NAV3: variants seen among roughly 807,000 people sequenced by gnomAD.
NAV3 encodes the protein neuron navigator 3, also known as pore membrane and/or filament interacting like protein 1.
NAV3 carries 87 observed loss-of-function variants against 244.7 expected under a neutral mutation model. The ratio of observed to expected loss-of-function variants is 0.36; its 90% CI spans 0.30 to 0.42. NAV3 has a LOEUF of 0.42. NAV3 is among the 20% of genes least tolerant of loss of function. The probability of loss-of-function intolerance (pLI) is 1.00; values close to 1 mark genes in which losing one functional copy is unlikely to be tolerated. For missense variants in NAV3, 2,663 were observed against 2,893.3 expected, an observed-to-expected ratio of 0.92 and a Z score of 1.83; for synonymous variants, 1,126 against 1,042.2, an observed-to-expected ratio of 1.08 and a Z score of -1.55.
At chr12:78,117,158 CA>C (rs1566155754) in intron 13 of NAV3, among the ~76,000 whole-genome samples, 14,024 of 70,306 alleles carry the variant, frequency 0.2, 2,334 homozygotes, top group African/African-American at 0.34. Flanking sequence ...ACAGAAGCAG[CA>C]TATATATATA....
chr12:77,755,718 T>G (rs1050809095), intron 2 of NAV3, among the ~76,000 whole-genome samples: 1 of 150,600 alleles, frequency 6.6e-6, no homozygotes, highest in South Asian at 2.1e-4. Context: ...CTTTATTTTC[T>G]TTCTCTCTTT....
chr12:78,117,189 ATATATATG>A, intron 13 of NAV3, among the ~76,000 whole-genome samples: 1 of 132,464 alleles, frequency 7.5e-6, no homozygotes, highest in African/African-American at 2.9e-5. Context: ...ATATATATAT[ATATATATG>A]ATATACATTA....
intron 5 of NAV3, among the ~76,000 whole-genome samples, chr12:77,977,908 A>C (rs1593177924): frequency 6.6e-6 from 1 of 152,096 alleles, no homozygotes; most frequent in Admixed American, 6.6e-5. Flanking sequence ...AGATCAGTCC[A>C]AGTAAACAAA....
chr12:77,899,420 G>A (rs1885000381), intron 1 of NAV3, among the ~76,000 whole-genome samples: 1 of 152,134 alleles, frequency 6.6e-6, no homozygotes, highest in Admixed American at 6.5e-5. Context: ...TGATCAATCG[G>A]CAGCTGTTGA....
intron 1 of NAV3, among the ~76,000 whole-genome samples, chr12:77,901,382 C>T (rs530138515): frequency 1.3e-5 from 2 of 152,062 alleles, no homozygotes; most frequent in African/African-American, 2.4e-5. Flanking sequence ...CTTTAATCCA[C>T]CTTGAGTTGA....
At chr12:77,721,961 A>G (rs1331619324) in intron 2 of NAV3, among the ~76,000 whole-genome samples, 1 of 152,120 alleles carries the variant, frequency 6.6e-6, no homozygotes, top group Non-Finnish European at 1.5e-5. Context: ...TTTTTGTCAG[A>G]AGGAAATTCA....
chr12:78,104,758 C>T (rs1247817581), intron 12 of NAV3, among the ~76,000 whole-genome samples: 4 of 152,170 alleles, frequency 2.6e-5, no homozygotes, highest in Non-Finnish European at 4.4e-5. Flanking sequence ...ACTGCTACCA[C>T]AGTCTTCCTG....
At chr12:77,733,506 C>G (rs1417479052) in intron 2 of NAV3, among the ~76,000 whole-genome samples, 3 of 151,760 alleles carry the variant, frequency 2.0e-5, no homozygotes, top group Admixed American at 2.0e-4. Context: ...ATATAAATCA[C>G]CTGTATAAAT....
intron 34 of NAV3, among the ~76,000 whole-genome samples, chr12:78,192,180 T>TGTTA (rs1246769161): frequency 6.6e-6 from 1 of 152,026 alleles, no homozygotes; most frequent in African/African-American, 2.4e-5. Flanking sequence ...GTTAAGAACA[T>TGTTA]GTTAGTGTCC....
rs529872030 is a variant in NAV3, at chr12:78,130,142, G to T, written c.4441+1276G>T. Among the ~76,000 whole-genome samples the T allele has an allele frequency of 3.9e-4, 59 of 152,254 alleles. No homozygotes were observed. The Middle Eastern group carries it at 0.01, about 26-fold the overall frequency. Reference sequence around the variant, plus strand: ...GCTTTCTTAGCTTTTTGCCAGTCTAGTTTGGGGACTATTTTGCCTTACTGG... The same window carrying T: ...GCTTTCTTAGCTTTTTGCCAGTCTATTTTGGGGACTATTTTGCCTTACTGG... On this transcript the variant is annotated intron_variant, in intron 18 of 39. Coordinates refer to ENST00000397909, the MANE Select transcript of NAV3 (RefSeq NM_001024383.2).
intron 2 of NAV3, among the ~76,000 whole-genome samples, chr12:77,741,728 T>C (rs904344860): frequency 8.5e-5 from 13 of 152,202 alleles, no homozygotes; most frequent in African/African-American, 3.1e-4. Flanking sequence ...ATTTTCCCCT[T>C]AAAATTGTAG....
At position 77,653,974 on chromosome 12, in the gene NAV3, G is replaced by A. The variant is rs545897790; in HGVS notation, c.72+81708G>A. 1.3e-3 allele frequency among the ~76,000 whole-genome samples: 192 copies of A among 152,290 alleles called. 1 individual carries two copies. Among genetic ancestry groups the A allele is most frequent in the African/African-American group, 4.0e-3 (168 of 41,598 alleles). On this transcript the variant is annotated intron_variant, in intron 2 of 8. Transcript: ENST00000550042. ...AGAATATGAGATAGTTGGGGGAGGA[G>A]CCAAGATGGCCGGATAGGAACAGCT...
chr12:77,954,096 T>C (rs896401075), intron 3 of NAV3, among the ~76,000 whole-genome samples: 5 of 152,160 alleles, frequency 3.3e-5, no homozygotes, highest in Admixed American at 6.6e-5. Context: ...TCAACCATTC[T>C]GTATGTTAAT....
chr12:78,137,712 A>G (rs538352187), intron 19 of NAV3, among the ~76,000 whole-genome samples: 1 of 152,324 alleles, frequency 6.6e-6, no homozygotes, highest in South Asian at 2.1e-4. Flanking sequence ...ATAAAGACAC[A>G]CAAACCAGAA....
At chr12:78,133,213 A>G (rs915587356) in intron 18 of NAV3, among the ~76,000 whole-genome samples, 4 of 152,086 alleles carry the variant, frequency 2.6e-5, no homozygotes, top group Admixed American at 6.6e-5. Flanking sequence ...ATGGCTTCAA[A>G]TCAGGCATTT....
At chr12:77,907,834 C>G (rs1886153973) in intron 1 of NAV3, among the ~76,000 whole-genome samples, 1 of 152,052 alleles carries the variant, frequency 6.6e-6, no homozygotes, top group South Asian at 2.1e-4. Flanking sequence ...AGCCGGTGAA[C>G]AGGCTCAGTA....
chr12:78,110,408 T>C (rs1180169592), intron 12 of NAV3, among the ~76,000 whole-genome samples: 1 of 152,070 alleles, frequency 6.6e-6, no homozygotes, highest in East Asian at 1.9e-4. Flanking sequence ...ATTACCAATG[T>C]CATATTTCAT....
chr12:77,645,828 AGCT>A (rs1872587760), intron 2 of NAV3, among the ~76,000 whole-genome samples: 1 of 152,070 alleles, frequency 6.6e-6, no homozygotes, highest in Non-Finnish European at 1.5e-5. Flanking sequence ...CTTAAGGGAA[AGCT>A]CAGTTTTGAG....
chr12:77,732,454 TGTG>T (rs937336248), intron 2 of NAV3, among the ~76,000 whole-genome samples: 5 of 152,124 alleles, frequency 3.3e-5, no homozygotes, highest in African/African-American at 7.2e-5. Flanking sequence ...CAGCAGTGCG[TGTG>T]AGCTGCTTAA....
Sources: gnomAD v4.1 joint callset for allele counts (sites outside exome capture counted in the v4.1 genomes callset) on GRCh38, gnomAD v4.1.1 for gene constraint, MANE v1.5 for transcripts, NCBI Gene and HGNC (gene_info 2026-07-23, HGNC 2026-07-21) for gene names.